ST6GALNAC3: variants seen among roughly 807,000 people sequenced by gnomAD.
The protein encoded by ST6GALNAC3 is alpha-N-acetylgalactosaminide alpha-2,6-sialyltransferase 3.
ST6GALNAC3 carries 25 observed loss-of-function variants against 32.7 expected under a neutral mutation model. The observed-to-expected ratio is 0.76, with a 90% confidence interval of 0.56 to 1.07. The LOEUF is 1.07. Ranked by LOEUF, ST6GALNAC3 falls within the 50% of genes least tolerant of loss-of-function variation. The probability of loss-of-function intolerance (pLI) is 0.00; values close to 1 mark genes in which losing one functional copy is unlikely to be tolerated. For missense variants in ST6GALNAC3, 355 were observed against 382.4 expected (o/e 0.93, Z 0.60); for synonymous variants, 129 against 133.1 (o/e 0.97, Z 0.21).
chr1:76,292,276 G>C (rs555291109), intron 1 of ST6GALNAC3, among the ~76,000 whole-genome samples: 1 of 73,834 alleles, frequency 1.4e-5, no homozygotes. Context: ...AGAAATGGTA[G>C]CTTCAGTAGA....
At chr1:76,582,869 T>C (rs1230094844) in intron 3 of ST6GALNAC3, among the ~76,000 whole-genome samples, 1 of 152,166 alleles carries the variant, frequency 6.6e-6, no homozygotes, top group Non-Finnish European at 1.5e-5. Flanking sequence ...TCTCATCATG[T>C]GGTTATCTTC....
intron 2 of ST6GALNAC3, among the ~76,000 whole-genome samples, chr1:76,410,503 T>C (rs1276900461): frequency 6.6e-6 from 1 of 152,034 alleles, no homozygotes; most frequent in Non-Finnish European, 1.5e-5. Flanking sequence ...TTTCTCGATT[T>C]AGTACTTAGC....
At chr1:76,557,105 C>A (rs2043600) in intron 3 of ST6GALNAC3, among the ~76,000 whole-genome samples, 44,406 of 151,566 alleles carry the variant, frequency 0.29, 6,764 homozygotes, top group Middle Eastern at 0.37. Context: ...CAGTTATCAC[C>A]GAACCAGATG....
chr1:76,407,807 T>C (rs1653939354), intron 2 of ST6GALNAC3, among the ~76,000 whole-genome samples: 1 of 151,898 alleles, frequency 6.6e-6, no homozygotes, highest in Non-Finnish European at 1.5e-5. Flanking sequence ...AGGACCTCAG[T>C]CTAGAAAGAA....
intron 3 of ST6GALNAC3, among the ~76,000 whole-genome samples, chr1:76,517,860 G>A (rs1032736061): frequency 6.6e-6 from 1 of 151,738 alleles, no homozygotes; most frequent in Non-Finnish European, 1.5e-5. Context: ...CTTTGTTTTT[G>A]CAGGAAGGAG....
At chr1:76,233,369 G>C (rs1443053874) in intron 1 of ST6GALNAC3, among the ~76,000 whole-genome samples, 2 of 152,142 alleles carry the variant, frequency 1.3e-5, no homozygotes, top group East Asian at 3.9e-4. Context: ...AGTTTCAGTT[G>C]AGAATAATCT....
chr1:76,512,059 AG>A (rs1387556308), intron 3 of ST6GALNAC3, among the ~76,000 whole-genome samples: 3 of 152,188 alleles, frequency 2.0e-5, no homozygotes, highest in African/African-American at 7.2e-5. Context: ...ACTGTATCTT[AG>A]GATCCAAGTT....
chr1:76,562,395 GGGCTT>G (rs1202095759), intron 3 of ST6GALNAC3, among the ~76,000 whole-genome samples: 1 of 152,150 alleles, frequency 6.6e-6, no homozygotes, highest in African/African-American at 2.4e-5. Context: ...ATTAAAAGCA[GGGCTT>G]GAACTACCAT....
intron 3 of ST6GALNAC3, among the ~76,000 whole-genome samples, chr1:76,558,799 T>C (rs1375909618): frequency 1.3e-5 from 2 of 152,200 alleles, no homozygotes; most frequent in Non-Finnish European, 2.9e-5. Context: ...TACATTTATC[T>C]ATGCCAATGT....
intron 3 of ST6GALNAC3, among the ~76,000 whole-genome samples, chr1:76,495,843 G>A (rs1244075874): frequency 6.6e-6 from 1 of 152,070 alleles, no homozygotes; most frequent in East Asian, 1.9e-4. Flanking sequence ...ATCAAATATC[G>A]AAGATGTTTT....
rs531833896 is a variant in ST6GALNAC3, at chr1:76,550,514, T to C, written c.624-76938T>C. Among the ~76,000 whole-genome samples the C allele has an allele frequency of 3.9e-5, 6 of 152,290 alleles. No individual in the cohort carries two copies. In the South Asian group the frequency reaches 1.2e-3, roughly 32 times the overall value. ...CTTCAGTGTTCTATTTTTTTCCCCA[T>C]GACAGTACTACTCCTTGATTATTCC... On this transcript the variant is annotated intron_variant, in intron 3 of 4. Coordinates refer to ENST00000328299, the MANE Select transcript of ST6GALNAC3 (RefSeq NM_152996.4).
At chr1:76,151,114 A>C (rs1651011941) in intron 1 of ST6GALNAC3, among the ~76,000 whole-genome samples, 2 of 152,280 alleles carry the variant, frequency 1.3e-5, no homozygotes, top group East Asian at 3.9e-4. Flanking sequence ...AAAGTGAAAT[A>C]GTGGCCCCTT....
At chr1:76,201,188 G>A (rs532457914) in intron 1 of ST6GALNAC3, among the ~76,000 whole-genome samples, 2 of 152,284 alleles carry the variant, frequency 1.3e-5, no homozygotes, top group Non-Finnish European at 2.9e-5. Context: ...ACATTCCTGA[G>A]ACTGGGTAAT....
At chr1:76,405,666 C>G (rs925048590) in intron 2 of ST6GALNAC3, among the ~76,000 whole-genome samples, 1 of 151,516 alleles carries the variant, frequency 6.6e-6, no homozygotes, top group African/African-American at 2.4e-5. Context: ...GGTTCTTTTA[C>G]TGTATGTGTA....
intron 1 of ST6GALNAC3, among the ~76,000 whole-genome samples, chr1:76,281,397 T>A (rs2100787450): frequency 6.6e-6 from 1 of 152,218 alleles, no homozygotes; most frequent in East Asian, 1.9e-4. Context: ...GAGAGAGCCG[T>A]TGGATTGCAG....
intron 3 of ST6GALNAC3, among the ~76,000 whole-genome samples, chr1:76,592,381 A>G (rs1022113738): frequency 1.3e-5 from 2 of 152,170 alleles, no homozygotes; most frequent in African/African-American, 4.8e-5. Flanking sequence ...TCTGGCCTAC[A>G]TGACTGCTGA....
rs568599747 is a variant in ST6GALNAC3, at chr1:76,483,118, C to A, written c.623+70701C>A. ...ATGTGCCACATTTTCTTAATCCAGT[C>A]TATCACTGATGGACATTTGGGTTGG... On this transcript the variant is annotated intron_variant, in intron 3 of 4. Transcript: ENST00000328299. 8.4e-4 allele frequency among the ~76,000 whole-genome samples: 128 copies of A among 152,260 alleles called. 2 individuals are homozygous for A. The highest frequency in any genetic ancestry group is 1.6e-4 in the Non-Finnish European group (11 of 68,018).
chr1:76,543,778 T>C (rs1036110664), intron 3 of ST6GALNAC3, among the ~76,000 whole-genome samples: 10 of 152,226 alleles, frequency 6.6e-5, no homozygotes, highest in Non-Finnish European at 1.3e-4. Flanking sequence ...CAAGCCGATG[T>C]ATCTTTTTCA....
intron 1 of ST6GALNAC3, among the ~76,000 whole-genome samples, chr1:76,250,340 G>A (rs1657539031): frequency 6.6e-6 from 1 of 152,198 alleles, no homozygotes; most frequent in Non-Finnish European, 1.5e-5. Flanking sequence ...AGCCGGTGGT[G>A]TGAGGAGGGC....
Sources: allele counts gnomAD v4.1 joint callset (sites outside exome capture counted in the v4.1 genomes callset), GRCh38; gene constraint gnomAD v4.1.1; transcripts MANE v1.5; gene names NCBI Gene and HGNC (gene_info 2026-07-23, HGNC 2026-07-21).